DAPP1: variants seen among roughly 807,000 people sequenced by gnomAD.
DAPP1 encodes dual adaptor of phosphotyrosine and 3-phosphoinositides 1, also known as dual adapter for phosphotyrosine and 3-phosphotyrosine and 3-phosphoinositide.
Under a neutral mutation model 41.5 loss-of-function variants are expected in DAPP1, and 20 were observed. The observed-to-expected ratio is 0.48, with a 90% confidence interval of 0.34 to 0.70. The LOEUF (loss-of-function observed/expected upper bound fraction) is 0.70. DAPP1 is among the 30% of genes least tolerant of loss of function. DAPP1 has a pLI of 0.01. For synonymous variants in DAPP1, 113 were observed against 116.2 expected, an observed-to-expected ratio of 0.97 and a Z score of 0.18; for missense variants, 233 against 333.4, an observed-to-expected ratio of 0.70 and a Z score of 2.35.
At chr4:99,870,814 A>G (rs184753928), downstream of DAPP1, among the ~76,000 whole-genome samples, 4 of 152,306 alleles carry the variant, frequency 2.6e-5, no homozygotes, top group Non-Finnish European at 5.9e-5. Context: ...CTCTGGACAA[A>G]TGGTGACACC....
chr4:99,818,103 T>C (rs999246813), intron 1 of DAPP1, among the ~76,000 whole-genome samples: 58 of 152,244 alleles, frequency 3.8e-4, no homozygotes, highest in African/African-American at 1.4e-3. Context: ...AAAAGTTTAT[T>C]AATAATTCCT....
downstream of DAPP1, among the ~76,000 whole-genome samples, chr4:99,870,581 G>T (rs1724608437): frequency 6.6e-6 from 1 of 152,200 alleles, no homozygotes; most frequent in African/African-American, 2.4e-5. Flanking sequence ...TAACTCCCAA[G>T]TGGAGCCTGT....
At chr4:99,867,254 A>G (rs1386452490) in intron 8 of DAPP1, among the ~76,000 whole-genome samples, 1 of 152,176 alleles carries the variant, frequency 6.6e-6, no homozygotes. Context: ...TTGTCTTGTG[A>G]AACCTTTGCT....
rs371730415 is a variant in DAPP1 at position 99,844,734 on chromosome 4, A to G, written c.358+4312A>G. On this transcript the variant is annotated intron_variant, in intron 3 of 8. Transcript: ENST00000512369. The stretch of plus-strand genomic sequence containing the variant: ...TACCCTTTATAATAATTGGTTCCCA[A>G]TTTTAAAGATCTCATCTGGTTTTTT... 4 of 152,204 alleles carry G rather than the reference A, an allele frequency of 2.6e-5. No homozygotes were observed. The East Asian group carries it at 5.8e-4, about 22-fold the overall frequency. The allele number at this position is 152,204 out of a possible 1,614,324, so 9.4% of individuals were successfully genotyped here.
At chr4:99,850,459 C>T (rs1377202259) in intron 3 of DAPP1, among the ~76,000 whole-genome samples, 4 of 151,512 alleles carry the variant, frequency 2.6e-5, no homozygotes, top group African/African-American at 7.3e-5. Context: ...TGTGCCTGGT[C>T]GTATCAACTA....
At chr4:99,834,298 G>A (rs565919286) in intron 1 of DAPP1, among the ~76,000 whole-genome samples, 1 of 152,308 alleles carries the variant, frequency 6.6e-6, no homozygotes, top group East Asian at 1.9e-4. Flanking sequence ...CAGGAAAATG[G>A]TTACCAAGGT....
chr4:99,861,497 A>T, intron 4 of DAPP1, 81 bp from the exon 5 acceptor site: 1 of 1,387,070 alleles, frequency 7.2e-7, no homozygotes, highest in Non-Finnish European at 1.0e-6. Context: ...AACATTCTTC[A>T]TTTAAAAATA....
At chr4:99,835,807 C>CA in intron 2 of DAPP1, 62 bp downstream of exon 2, 1 of 1,578,010 alleles carries the variant, frequency 6.3e-7, no homozygotes, top group East Asian at 2.3e-5. Context: ...CTGACTTTAT[C>CA]ATCACTCAAA....
At chr4:99,853,463 A>T (rs999902893) in intron 4 of DAPP1, 115 bp downstream of exon 4, 2 of 1,382,672 alleles carry the variant, frequency 1.4e-6, no homozygotes, top group African/African-American at 2.9e-5. Context: ...GGAATATAAA[A>T]CTTGGAAAGG....
At chr4:99,824,797 C>T (rs911873050) in intron 1 of DAPP1, among the ~76,000 whole-genome samples, 1 of 152,152 alleles carries the variant, frequency 6.6e-6, no homozygotes, top group Non-Finnish European at 1.5e-5. Flanking sequence ...CATTCTAGGC[C>T]TTTTCAAGGT....
rs1279939699 is a variant in DAPP1, at chr4:99,827,089, C to T, written c.102-8534C>T. Reference sequence around the variant, plus strand: ...TTCAGGCCCAAGAGTCCTTCCCATACATGCTCCTCAAACTCTAAAGTGCAT... The same window carrying T: ...TTCAGGCCCAAGAGTCCTTCCCATATATGCTCCTCAAACTCTAAAGTGCAT... On this transcript the variant is annotated intron_variant, in intron 1 of 8. Coordinates refer to ENST00000512369, the MANE Select transcript of DAPP1 (RefSeq NM_014395.3). Among the ~76,000 whole-genome samples the T allele has an allele frequency of 2.6e-5, 4 of 152,180 alleles. No individual in the cohort carries two copies. The East Asian group carries it at 7.7e-4, about 29-fold the overall frequency.
chr4:99,835,520 A>G (rs1170713528), intron 1 of DAPP1, 103 bp from the exon 2 acceptor site: 1 of 1,509,208 alleles, frequency 6.6e-7, no homozygotes, highest in East Asian at 2.3e-5. Flanking sequence ...TGGGCTACTT[A>G]TCTTGAAGAA....
chr4:99,822,847 C>T (rs1438444187), intron 1 of DAPP1, among the ~76,000 whole-genome samples: 1 of 152,192 alleles, frequency 6.6e-6, no homozygotes, highest in Non-Finnish European at 1.5e-5. Context: ...ACCTCTGTGT[C>T]CTACTGCCTG....
Position 99,868,986 on chromosome 4 carries a change from GTTA to G in DAPP1, c.*806_*808del, listed in dbSNP as rs1266632273. The G allele has an allele frequency of 1.3e-5, 2 of 152,106 alleles. No individual in the cohort carries two copies. The highest frequency in any genetic ancestry group is 2.9e-5 in the Non-Finnish European group (2 of 68,008). 9.4% of individuals were successfully genotyped at this position (152,106 alleles called of 1,614,324 possible). A position where few individuals can be genotyped will look rare whatever the true frequency, so the allele number is the denominator to read the frequency against. On this transcript the variant is annotated 3_prime_UTR_variant, in exon 9 of 9. Transcript: ENST00000512369. ...AACTTTTAGTTTAATAATAATTATT[GTTA>G]TTATACTACTAATAATAGAGCACTT...
downstream of DAPP1, among the ~76,000 whole-genome samples, chr4:99,870,948 C>A (rs1040492310): frequency 6.6e-6 from 1 of 152,124 alleles, no homozygotes; most frequent in African/African-American, 2.4e-5. Context: ...ATATCTTTGA[C>A]TTAAAATGAG....
In DAPP1 at chr4:99,816,987, G is replaced by A; in HGVS notation, c.74G>A (p.Gly25Glu). 1.2e-6 allele frequency: 2 copies of A among 1,605,018 alleles called. No individual in the cohort carries two copies. Among genetic ancestry groups the A allele is most frequent in the Non-Finnish European group, 1.7e-6 (2 of 1,176,000 alleles). The change falls in exon 1 of 9, where the codon GGA (glycine) becomes GAA (glutamate). Residue 25 changes from glycine (G) to glutamate (E), a missense_variant. Transcript: ENST00000512369. ...DPSDLWSRSD[G>E]EAELLQDLGW... ...TCAGATCTGTGGAGCAGATCCGATGGAGAGGCTGAGCTGCTCCAGGACTTG... is the reference window on the plus strand; with the variant it reads ...TCAGATCTGTGGAGCAGATCCGATGAAGAGGCTGAGCTGCTCCAGGACTTG...
intron 7 of DAPP1, chr4:99,865,695 T>C (rs1285312568): frequency 2.0e-5 from 3 of 151,508 alleles, no homozygotes; most frequent in Non-Finnish European, 4.4e-5. Context: ...GATCTAGGGG[T>C]GTCCTGAACA....
At chr4:99,842,843 T>C (rs924847712) in intron 3 of DAPP1, among the ~76,000 whole-genome samples, 1 of 149,026 alleles carries the variant, frequency 6.7e-6, no homozygotes, top group African/African-American at 2.6e-5. Context: ...GAAGTACAGA[T>C]ATTTCTTTCT....
intron 1 of DAPP1, among the ~76,000 whole-genome samples, chr4:99,827,395 T>C (rs1722969571): frequency 6.6e-6 from 1 of 151,690 alleles, no homozygotes; most frequent in East Asian, 1.9e-4. Context: ...TAGCCAGGTG[T>C]GGTGGTGGGC....
Sources: allele counts gnomAD v4.1 joint callset (sites outside exome capture counted in the v4.1 genomes callset), GRCh38; gene constraint gnomAD v4.1.1; transcripts MANE v1.5; gene names NCBI Gene and HGNC (gene_info 2026-07-23, HGNC 2026-07-21).